ODF2L: variants seen among roughly 807,000 people sequenced by gnomAD.
ODF2L encodes the protein outer dense fiber of sperm tails 2 like, also known as protein BCAP.
In ODF2L, 76 loss-of-function variants were observed where a neutral mutation model predicts 86.3. That is an observed-to-expected ratio of 0.88 (90% CI 0.73 to 1.07). The LOEUF (loss-of-function observed/expected upper bound fraction) is 1.07, where lower values mean the gene tolerates loss of function less well. Among genes scored for constraint, ODF2L ranks in the 50% least tolerant of loss-of-function variants. The probability of loss-of-function intolerance (pLI) is 0.00; values close to 1 mark genes in which losing one functional copy is unlikely to be tolerated. For missense variants in ODF2L, 748 were observed against 717.4 expected (o/e 1.04, Z -0.49); for synonymous variants, 241 against 231.3 (o/e 1.04, Z -0.38).
At chr1:86,373,190 C>T (rs544224333) in intron 8 of ODF2L, among the ~76,000 whole-genome samples, 3 of 152,072 alleles carry the variant, frequency 2.0e-5, no homozygotes, top group East Asian at 3.9e-4. Flanking sequence ...ATTTCATATA[C>T]ACATAGTGGA....
intron 16 of ODF2L, among the ~76,000 whole-genome samples, chr1:86,354,127 G>A (rs541887859): frequency 6.6e-6 from 1 of 152,330 alleles, no homozygotes; most frequent in Non-Finnish European, 1.5e-5. Flanking sequence ...CCTAATGGAT[G>A]TAACTGAAAT....
At chr1:86,348,764 T>C (rs760502942), downstream of ODF2L, 172 of 1,505,298 alleles carry the variant, frequency 1.1e-4, no homozygotes, top group Non-Finnish European at 1.4e-4. Context: ...TCAAACATTG[T>C]TACATAAGAA....
chr1:86,354,915 A>G, intron 14 of ODF2L, 56 bp from the exon 14 acceptor site: 1 of 931,560 alleles, frequency 1.1e-6, no homozygotes, highest in Non-Finnish European at 1.7e-6. Flanking sequence ...ACTTCCAAAG[A>G]AATCCATATA....
chr1:86,394,148 T>C (rs578110947), intron 1 of ODF2L, among the ~76,000 whole-genome samples: 2 of 152,262 alleles, frequency 1.3e-5, no homozygotes, highest in Admixed American at 1.3e-4. Context: ...AATAAGTAAA[T>C]TAAATCTTAG....
chr1:86,369,268 TA>T (rs768670060), intron 10 of ODF2L, among the ~76,000 whole-genome samples: 14 of 151,038 alleles, frequency 9.3e-5, no homozygotes, highest in African/African-American at 1.5e-4. Flanking sequence ...ATGTCACTGC[TA>T]AAAAAAAATG....
intron 11 of ODF2L, among the ~76,000 whole-genome samples, chr1:86,362,397 G>A (rs980805220): frequency 2.0e-5 from 3 of 151,860 alleles, no homozygotes; most frequent in Non-Finnish European, 4.4e-5. Context: ...CGGCCCAAGC[G>A]ATCCTCCCAC....
chr1:86,374,496 C>A (rs1660036349), intron 8 of ODF2L, among the ~76,000 whole-genome samples: 1 of 152,050 alleles, frequency 6.6e-6, no homozygotes, highest in Non-Finnish European at 1.5e-5. Flanking sequence ...CCACGAGAAG[C>A]AAAATTAGGA....
At chr1:86,395,462 A>G (rs1408338992) in intron 1 of ODF2L, among the ~76,000 whole-genome samples, 3 of 152,172 alleles carry the variant, frequency 2.0e-5, no homozygotes, top group Non-Finnish European at 4.4e-5. Flanking sequence ...AAGGCCACAC[A>G]GCGGGTTCAG....
At chr1:86,357,752 T>TA in intron 13 of ODF2L, 4 of 978,520 alleles carry the variant, frequency 4.1e-6, no homozygotes, top group Non-Finnish European at 4.9e-6. Context: ...AAAATTTCAT[T>TA]AAAAAAATAG....
intron 1 of ODF2L, among the ~76,000 whole-genome samples, chr1:86,390,316 G>A (rs1334724073): frequency 6.6e-6 from 1 of 152,068 alleles, no homozygotes; most frequent in African/African-American, 2.4e-5. Context: ...AGCTACTCAG[G>A]AGGCTGAGGC....
chr1:86,395,340 G>A (rs1188549644), intron 1 of ODF2L, among the ~76,000 whole-genome samples: 1 of 152,000 alleles, frequency 6.6e-6, no homozygotes, highest in Non-Finnish European at 1.5e-5. Context: ...CCTACATTCG[G>A]TGCCACCTTA....
intron 9 of ODF2L, 67 bp from the exon 10 acceptor site, chr1:86,371,220 G>A (rs1332338647): frequency 9.7e-6 from 8 of 827,636 alleles, no homozygotes; most frequent in African/African-American, 3.5e-5. Flanking sequence ...CACATTTTAA[G>A]TGTGTTTCTG....
intron 5 of ODF2L, 58 bp from the exon 6 acceptor site, chr1:86,383,060 CTT>C (rs1463390203): frequency 1.6e-6 from 2 of 1,289,192 alleles, no homozygotes; most frequent in Non-Finnish European, 2.2e-6. Context: ...TATTGGCTAA[CTT>C]TATAAAACCA....
chr1:86,370,374 T>C (rs954167571), intron 10 of ODF2L, among the ~76,000 whole-genome samples: 3 of 152,172 alleles, frequency 2.0e-5, no homozygotes, highest in Non-Finnish European at 2.9e-5. Context: ...TTCTCTAAAA[T>C]GTACTCTATG....
At chr1:86,348,706 C>T (rs758853045), downstream of ODF2L, 32 of 1,354,112 alleles carry the variant, frequency 2.4e-5, no homozygotes, top group Middle Eastern at 2.6e-4. Context: ...ACATTTTAGA[C>T]TCATAATAAA....
intron 8 of ODF2L, chr1:86,375,127 G>T (rs903493131): frequency 6.6e-6 from 1 of 151,918 alleles, no homozygotes; most frequent in African/African-American, 2.4e-5. Flanking sequence ...GTCAAGAAAG[G>T]CCTCTCTGAA....
At chr1:86,352,906 T>C in exon 17 of ODF2L, 1 of 1,554,844 alleles carries the variant, frequency 6.4e-7, no homozygotes, top group Non-Finnish European at 8.8e-7. Flanking sequence ...TTTTTCTTTC[T>C]AAGCTCAGTT....
At chr1:86,354,475 A>C in intron 16 of ODF2L, 55 bp downstream of exon 15, 2 of 1,176,328 alleles carry the variant, frequency 1.7e-6, no homozygotes, top group Non-Finnish European at 2.5e-6. Flanking sequence ...GATGTTTAAA[A>C]AGATGACTCT....
Position 86,385,602 on chromosome 1 carries a change from T to A in ODF2L, c.114-12A>T. 6.2e-7 allele frequency: 1 copy of A among 1,606,590 alleles called. No individual in the cohort carries two copies. The highest frequency in any genetic ancestry group is 1.3e-5 in the African/African-American group (1 of 74,802). ...TGTCCTGCTTCAGGCTAATTACAAA[T>A]GCACATACAAAATTTAAGTTAAATC... is the stretch of plus-strand genomic sequence containing the variant. On this transcript the variant is annotated splice_polypyrimidine_tract_variant and intron_variant, in intron 2 of 17. Transcript: ENST00000317336.
Sources: allele counts gnomAD v4.1 joint callset (sites outside exome capture counted in the v4.1 genomes callset), GRCh38; gene constraint gnomAD v4.1.1; transcripts MANE v1.5; gene names NCBI Gene and HGNC (gene_info 2026-07-23, HGNC 2026-07-21).